Variants in RASSF5 observed in about 807,000 individuals in gnomAD.
The protein encoded by RASSF5 is Ras association domain family member 5, also known as ras association domain-containing protein 5.
In RASSF5, 25 loss-of-function variants were observed where a neutral mutation model predicts 40.5. That is an observed-to-expected ratio of 0.62 (90% CI 0.45 to 0.86). The LOEUF is 0.86. RASSF5 is among the 40% of genes least tolerant of loss of function. The pLI is 0.00. For missense variants in RASSF5, 521 were observed against 572.8 expected (o/e 0.91, Z 0.92); for synonymous variants, 246 against 252.4 (o/e 0.97, Z 0.24).
intron 2 of RASSF5, among the ~76,000 whole-genome samples, chr1:206,546,108 TTTTTTTTTTTTTTTTTTTG>T (rs1667685221): frequency 9.5e-6 from 1 of 104,838 alleles, no homozygotes; most frequent in African/African-American, 4.8e-5. Context: ...TTTTTTTTTT[TTTTTTTTTTTTTTTTTTTG>T]GGACAGGATC....
intron 5 of RASSF5, 43 bp downstream of exon 5, chr1:206,585,338 CTGGGT>C: frequency 1.3e-6 from 2 of 1,482,276 alleles, no homozygotes; most frequent in Non-Finnish European, 1.9e-6. Context: ...TTAGGGCACC[CTGGGT>C]GGGTGCAGGT....
rs1173404011 is a variant in RASSF5, at chr1:206,588,127, G to C, written c.*1149G>C. 6.5e-5 allele frequency: 10 copies of C among 152,814 alleles called. No homozygotes were observed. The highest frequency in any genetic ancestry group is 1.0e-4 in the Non-Finnish European group (7 of 68,068). 9.5% of individuals were successfully genotyped at this position (152,814 alleles called of 1,614,324 possible). On this transcript the variant is annotated 3_prime_UTR_variant, in exon 6 of 6. Transcript: ENST00000579436. ...GGGCCTGGCCTCCCCGTCGACCTCA[G>C]TGCCTTTTTGTTTTCAGAGAGAAAT... is the stretch of plus-strand genomic sequence containing the variant.
intron 1 of RASSF5, 149 bp from the exon 2 acceptor site, chr1:206,538,023 C>A: frequency 2.7e-6 from 3 of 1,091,076 alleles, no homozygotes; most frequent in Admixed American, 2.0e-5. Flanking sequence ...AGCAGGGTGG[C>A]ATTCTCACGC....
intron 1 of RASSF5, among the ~76,000 whole-genome samples, chr1:206,511,999 G>T (rs1194335033): frequency 6.6e-6 from 1 of 152,170 alleles, no homozygotes; most frequent in African/African-American, 2.4e-5. Context: ...TGTTCTGGCG[G>T]CTTCTGTATT....
At chr1:206,551,468 C>T (rs1667838855) in intron 2 of RASSF5, among the ~76,000 whole-genome samples, 1 of 152,210 alleles carries the variant, frequency 6.6e-6, no homozygotes, top group Non-Finnish European at 1.5e-5. Flanking sequence ...TCCTGCCACA[C>T]TTTAGAAGCC....
At chr1:206,562,363 C>G (rs1007802) in intron 2 of RASSF5, among the ~76,000 whole-genome samples, 85,446 of 152,098 alleles carry the variant, frequency 0.56, 24,223 homozygotes, top group Middle Eastern at 0.68. Context: ...CTCCAAATTT[C>G]AGCAATAAAA....
At chr1:206,563,592 G>A (rs1668207099) in intron 2 of RASSF5, among the ~76,000 whole-genome samples, 1 of 152,126 alleles carries the variant, frequency 6.6e-6, no homozygotes, top group Non-Finnish European at 1.5e-5. Flanking sequence ...GAGTTTCAGG[G>A]GCCCTACTCC....
At chr1:206,550,542 C>T (rs1259373478) in intron 2 of RASSF5, among the ~76,000 whole-genome samples, 1 of 152,166 alleles carries the variant, frequency 6.6e-6, no homozygotes, top group Non-Finnish European at 1.5e-5. Context: ...TATTATGACA[C>T]TAGGAAAGTA....
chr1:206,552,685 C>G lies in RASSF5; in HGVS notation c.579+14392C>G, dbSNP rs1667872673. ...TGAATCTGATTCTACCATTTACTTG[C>G]TTGGGCGAGTTTACTCTGAAACTCA... On this transcript the variant is annotated intron_variant, in intron 2 of 5. Coordinates refer to ENST00000579436, the MANE Select transcript of RASSF5 (RefSeq NM_182663.4). This position sits in a 1 kb window ranked among gnomAD's most constrained non-coding sequence, Gnocchi z 4.1. Among the ~76,000 whole-genome samples the G allele has an allele frequency of 6.6e-6, 1 of 152,152 alleles. No homozygotes were observed. Among genetic ancestry groups the G allele is most frequent in the Non-Finnish European group, 1.5e-5 (1 of 68,016 alleles).
intron 1 of RASSF5, among the ~76,000 whole-genome samples, chr1:206,517,357 C>T (rs1666777088): frequency 6.6e-6 from 1 of 152,016 alleles, no homozygotes; most frequent in South Asian, 2.1e-4. Flanking sequence ...CACCTGTAGT[C>T]CCAGCTACAT....
intron 1 of RASSF5, among the ~76,000 whole-genome samples, chr1:206,523,135 C>A (rs1471766744): frequency 6.6e-6 from 1 of 151,014 alleles, no homozygotes; most frequent in Non-Finnish European, 1.5e-5. Flanking sequence ...TGAAACCCTA[C>A]CCTACTAAAA....
At position 206,507,908 on chromosome 1, in the gene RASSF5, C is replaced by G; in HGVS notation, c.306C>G (p.Asp102Glu). The change falls in exon 1 of 6, where the codon GAC becomes GAG. Residue 102 changes from aspartate (D) to glutamate (E), a missense_variant. By Grantham distance (45) the Asp-to-Glu change is conservative. Around this residue, in one of 2 missense-constraint regions of RASSF5, gnomAD observed 237 missense variants for 212.0 expected, o/e 1.12. Transcript: ENST00000579436. ...RRRPGAPRPR[D>E]VRSIFEQPQD... is the part of the protein sequence containing the mutation. The stretch of plus-strand genomic sequence containing the variant: ...GGCCTGGAGCGCCCCGACCCCGCGA[C>G]GTGCGGAGCATCTTCGAGCAGCCGC... 1 of 1,509,088 alleles carries G rather than the reference C, an allele frequency of 6.6e-7. No homozygotes were observed. Among genetic ancestry groups the G allele is most frequent in the Middle Eastern group, 2.1e-4 (1 of 4,776 alleles). 93.5% of individuals were successfully genotyped at this position (1,509,088 alleles called of 1,614,324 possible).
chr1:206,526,293 T>TGTGTGTGTGTG (rs1553397193), intron 1 of RASSF5, among the ~76,000 whole-genome samples: 3 of 151,326 alleles, frequency 2.0e-5, no homozygotes, highest in South Asian at 2.1e-4. Flanking sequence ...TGTGTGTGTG[T>TGTGTGTGTGTG]TGGAGTTGGG....
rs193082970 is a variant in RASSF5 at position 206,556,779 on chromosome 1, T to C, written c.579+18486T>C. Among the ~76,000 whole-genome samples the C allele has an allele frequency of 2.6e-5, 4 of 152,258 alleles. No individual in the cohort carries two copies. The East Asian group carries it at 7.7e-4, about 29-fold the overall frequency. On this transcript the variant is annotated intron_variant, in intron 2 of 5. Coordinates refer to ENST00000579436, the MANE Select transcript of RASSF5 (RefSeq NM_182663.4). ...GCAGGGCAGATATTGATTTTTTTCT[T>C]CTCTAACCATTCCGATTGACCCGGC...
intron 1 of RASSF5, among the ~76,000 whole-genome samples, chr1:206,533,086 A>G (rs4845108): frequency 0.54 from 82,025 of 151,934 alleles, 24,274 homozygotes; most frequent in African/African-American, 0.79. Flanking sequence ...CCTCCTAGCC[A>G]TGGAACTCCT....
At chr1:206,541,841 C>T (rs1667552466) in intron 2 of RASSF5, 2 of 152,310 alleles carry the variant, frequency 1.3e-5, no homozygotes, top group South Asian at 4.1e-4. Flanking sequence ...CCCTCAGTGG[C>T]TCCTGGTGCC....
chr1:206,522,796 A>T (rs1331503147), intron 1 of RASSF5, among the ~76,000 whole-genome samples: 1 of 152,182 alleles, frequency 6.6e-6, no homozygotes, highest in Non-Finnish European at 1.5e-5. Context: ...GGCATACAGC[A>T]TCATCAGGAA....
At chr1:206,557,354 C>A (rs1481534044) in intron 2 of RASSF5, 2 of 1,322,328 alleles carry the variant, frequency 1.5e-6, no homozygotes, top group Non-Finnish European at 1.9e-6. Context: ...GGGACAGGAG[C>A]AGGTTACCGG....
intron 2 of RASSF5, among the ~76,000 whole-genome samples, chr1:206,555,930 CG>C (rs781954600): frequency 2.6e-5 from 4 of 152,082 alleles, no homozygotes; most frequent in East Asian, 3.8e-4. Flanking sequence ...GCTTGGTGTC[CG>C]GGGGGCTGAG....
Sources: allele counts gnomAD v4.1 joint callset (sites outside exome capture counted in the v4.1 genomes callset), GRCh38; gene constraint gnomAD v4.1.1; regional missense constraint gnomAD v4.1.1; non-coding constraint Gnocchi (gnomAD v3.1); transcripts MANE v1.5; gene names NCBI Gene and HGNC (gene_info 2026-07-23, HGNC 2026-07-21).